The following DNAH10 variants were observed in gnomAD, a reference collection of about 807,000 sequenced individuals.
The protein encoded by DNAH10 is dynein axonemal heavy chain 10.
A neutral mutation model predicts 506.6 loss-of-function variants in DNAH10; 348 were observed. The ratio of observed to expected loss-of-function variants is 0.69; its 90% CI spans 0.63 to 0.75. The LOEUF is 0.75. DNAH10 is among the 30% of genes least tolerant of loss of function. The probability of loss-of-function intolerance (pLI) is 0.00; values close to 1 mark genes in which losing one functional copy is unlikely to be tolerated. For synonymous variants in DNAH10, 2,059 were observed against 2,198.6 expected, an observed-to-expected ratio of 0.94 and a Z score of 1.78; for missense variants, 5,179 against 5,787.1, an observed-to-expected ratio of 0.89 and a Z score of 3.41.
intron 21 of DNAH10, among the ~76,000 whole-genome samples, chr12:123,817,639 C>A (rs1959170954): frequency 6.6e-6 from 1 of 152,082 alleles, no homozygotes. Flanking sequence ...TGTCTTATAA[C>A]TCTGTCGTGA....
intron 14 of DNAH10, among the ~76,000 whole-genome samples, chr12:123,799,692 C>G (rs1218109584): frequency 6.6e-6 from 1 of 152,174 alleles, no homozygotes; most frequent in Non-Finnish European, 1.5e-5. Context: ...ATATATGAAA[C>G]AGAGCTGACA....
chr12:123,845,907 AC>A (rs1950933184), intron 31 of DNAH10, 38 bp downstream of exon 31: 1 of 1,612,288 alleles, frequency 6.2e-7, no homozygotes, highest in South Asian at 1.1e-5. Context: ...TTCAAAAGGG[AC>A]CCTTTGTGGT....
intron 4 of DNAH10, among the ~76,000 whole-genome samples, chr12:123,773,272 T>C (rs1291943069): frequency 1.3e-5 from 2 of 152,166 alleles, no homozygotes; most frequent in Non-Finnish European, 2.9e-5. Flanking sequence ...AAGGGAAGAG[T>C]CCAAGTAACC....
At chr12:123,935,008 G>A (rs1955424802) in intron 78 of DNAH10, 1 of 620,736 alleles carries the variant, frequency 1.6e-6, no homozygotes, top group African/African-American at 1.8e-5. Flanking sequence ...GTGATCCTGT[G>A]GTCTAGACTA....
chr12:123,775,500 A>G (rs906192951), intron 5 of DNAH10, among the ~76,000 whole-genome samples: 1 of 152,178 alleles, frequency 6.6e-6, no homozygotes, highest in Non-Finnish European at 1.5e-5. Flanking sequence ...GGAAGGAAGG[A>G]AGAGGTGATA....
intron 65 of DNAH10, among the ~76,000 whole-genome samples, chr12:123,922,267 G>C (rs1399411413): frequency 1.5e-5 from 2 of 136,242 alleles, no homozygotes; most frequent in African/African-American, 3.6e-5. Flanking sequence ...CAGCTACTGG[G>C]GGGGAGGCTG....
chr12:123,800,249 G>C lies in DNAH10; in HGVS notation c.2323G>C (p.Glu775Gln). 6.2e-7 allele frequency: 1 copy of C among 1,614,012 alleles called. No homozygotes were observed. Among genetic ancestry groups the C allele is most frequent in the Non-Finnish European group, 8.5e-7 (1 of 1,179,968 alleles). ...SIATEEPSTL[E>Q]RGAVFAINFS... ...CGCCACAGAGGAGCCTTCGACTTTA[G>C]AAAGGGGAGCTGTTTTTGCAATCAA... The change falls in exon 15 of 79, where the codon GAA becomes CAA. Residue 775 changes from glutamate to glutamine, a missense_variant. This residue lies in a region of DNAH10 where 4,844 missense variants were observed against 5,430.5 expected (regional missense o/e 0.89). Coordinates refer to ENST00000673944, the MANE Select transcript of DNAH10 (RefSeq NM_001372106.1).
chr12:123,818,012 A>G (rs1243671900), intron 21 of DNAH10, among the ~76,000 whole-genome samples: 2 of 149,342 alleles, frequency 1.3e-5, no homozygotes, highest in Non-Finnish European at 3.0e-5. Context: ...GCAATGGCAC[A>G]ATCTTGGCTC....
chr12:123,868,106 TG>T lies in DNAH10; in HGVS notation c.7510del (p.Glu2504AsnfsTer27). ...VDTEGVWANP[G>X]ELPGQLPTLY... ...ACACAGAAGGAGTTTGGGCCAACCC[TG>T]GGGAACTGCCAGGTGGGAACCGAGT... On this transcript the variant is annotated frameshift_variant, in exon 43 of 79. Coordinates refer to ENST00000673944, the MANE Select transcript of DNAH10 (RefSeq NM_001372106.1). LOFTEE classifies it high-confidence loss of function. The T allele has an allele frequency of 1.2e-6, 2 of 1,612,954 alleles. No individual in the cohort carries two copies. The highest frequency in any genetic ancestry group is 1.7e-6 in the Non-Finnish European group (2 of 1,179,776).
chr12:123,866,882 C>T (rs1951833690), intron 41 of DNAH10, among the ~76,000 whole-genome samples: 1 of 152,216 alleles, frequency 6.6e-6, no homozygotes, highest in Admixed American at 6.5e-5. Flanking sequence ...GGCTCAACCA[C>T]ACCTAGGACG....
Position 123,930,382 on chromosome 12 carries a change from C to T in DNAH10, c.12613-20C>T, listed in dbSNP as rs1160254681. On this transcript the variant is annotated intron_variant, in intron 72 of 78. Transcript: ENST00000673944. ...GTAGGTTCTGAGCTCCTGGCTGGCT[C>T]TCAGGCCCTCTAATTTCAGGTCATG... 2.0e-6 allele frequency: 3 copies of T among 1,523,240 alleles called. No homozygotes were observed. In the Admixed American group the frequency reaches 6.9e-5, roughly 35 times the overall value. 94.4% of individuals were successfully genotyped at this position (1,523,240 alleles called of 1,614,324 possible).
At chr12:123,884,697 T>TTGTG (rs897505568) in intron 51 of DNAH10, among the ~76,000 whole-genome samples, 1 of 151,932 alleles carries the variant, frequency 6.6e-6, no homozygotes, top group Non-Finnish European at 1.5e-5. Context: ...CAAAGGAATT[T>TTGTG]TGTGTGTGTG....
chr12:123,925,097 C>T lies in DNAH10; in HGVS notation c.11814C>T (p.Tyr3938=), dbSNP rs369302336. Residue 3938 remains tyrosine (Y), a synonymous_variant, in exon 68 of 79, where the codon TAC becomes TAT. Coordinates refer to ENST00000673944, the MANE Select transcript of DNAH10 (RefSeq NM_001372106.1). The surrounding 1 kb of genome is among the most constrained non-coding windows in gnomAD (Gnocchi z 4.0). ...AGCAGTTTCCCGTCCCCTTGGGTTA[C>T]GATAACAACATCACCCCTTTCCAGA... The part of the protein sequence containing the change: ...SLEQFPVPLG[Y]DNNITPFQKL... 28 of 1,613,890 alleles carry T rather than the reference C, an allele frequency of 1.7e-5. No homozygotes were observed. Among genetic ancestry groups the T allele is most frequent in the South Asian group, 2.2e-5 (2 of 91,082 alleles).
chr12:123,839,396 C>G lies in DNAH10; in HGVS notation c.5136+707C>G, dbSNP rs78888679. Among the ~76,000 whole-genome samples, 1,470 of 152,182 alleles carry G rather than the reference C, an allele frequency of 9.7e-3. 52 individuals carry two copies. Among genetic ancestry groups the G allele is most frequent in the Admixed American group, 0.066 (1,009 of 15,272 alleles). ...CAAGTTCCTTGATCTCTCTGGACAT[C>G]AGTTTCCTCATCTGTGAATGGACAT... On this transcript the variant is annotated intron_variant, in intron 29 of 78. Transcript: ENST00000673944.
At position 123,926,471 on chromosome 12, in the gene DNAH10, G is replaced by A. The variant is rs571334977; in HGVS notation, c.11922-166G>A. ...GGAGTTCCCCATCAGGGTGGGAGAC[G>A]TGCATAGAAACTAGAATCTAAAACA... On this transcript the variant is annotated intron_variant, in intron 68 of 78. Coordinates refer to ENST00000673944, the MANE Select transcript of DNAH10 (RefSeq NM_001372106.1). The surrounding 1 kb of genome is among the most constrained non-coding windows in gnomAD (Gnocchi z 4.1). The A allele has an allele frequency of 2.8e-4, 189 of 679,272 alleles. 2 individuals carry two copies. In the South Asian group the frequency reaches 4.0e-3, roughly 15 times the overall value. 42.1% of individuals were successfully genotyped at this position (679,272 alleles called of 1,614,324 possible). A position where few individuals can be genotyped will look rare whatever the true frequency, so the allele number is the denominator to read the frequency against.
intron 55 of DNAH10, among the ~76,000 whole-genome samples, chr12:123,898,390 T>G (rs1393945223): frequency 6.6e-6 from 1 of 152,150 alleles, no homozygotes; most frequent in Non-Finnish European, 1.5e-5. Flanking sequence ...TAGAGACAAC[T>G]ATCTGCTGCA....
In DNAH10 at chr12:123,813,658, G is replaced by A; in HGVS notation, c.3621+18G>A. 1 of 1,613,256 alleles carries A rather than the reference G, an allele frequency of 6.2e-7. No homozygotes were observed. The highest frequency in any genetic ancestry group is 1.1e-5 in the South Asian group (1 of 90,966). ...AGATGGAGGTACTCAATCGCTGTGT[G>A]TAATTGAAACTACTTTTCGTGTAAG... On this transcript the variant is annotated intron_variant, in intron 20 of 78. Coordinates refer to ENST00000673944, the MANE Select transcript of DNAH10 (RefSeq NM_001372106.1).
chr12:123,833,108 G>A lies in DNAH10; in HGVS notation c.4546-6G>A, dbSNP rs1045232506. 7.5e-6 allele frequency: 12 copies of A among 1,598,074 alleles called. No homozygotes were observed. The highest frequency in any genetic ancestry group is 8.5e-6 in the Non-Finnish European group (10 of 1,170,372). On this transcript the variant is annotated splice_region_variant and splice_polypyrimidine_tract_variant and intron_variant, in intron 26 of 78. Coordinates refer to ENST00000673944, the MANE Select transcript of DNAH10 (RefSeq NM_001372106.1). ...CCTGAATCATTCTTTTTCTATTCCTGAACAGGCTGTGAAGGAAATCCTAGA... is the reference window on the plus strand; with the variant it reads ...CCTGAATCATTCTTTTTCTATTCCTAAACAGGCTGTGAAGGAAATCCTAGA...
chr12:123,783,912 A>C, intron 7 of DNAH10, 35 bp from the exon 8 acceptor site: 1 of 1,579,208 alleles, frequency 6.3e-7, no homozygotes, highest in Non-Finnish European at 8.7e-7. Flanking sequence ...CACCCTAATA[A>C]TGAGAGTTCT....
Sources: gnomAD v4.1 joint callset for allele counts (sites outside exome capture counted in the v4.1 genomes callset) on GRCh38, gnomAD v4.1.1 for gene constraint, gnomAD v4.1.1 regional missense constraint, Gnocchi (gnomAD v3.1) non-coding constraint, MANE v1.5 for transcripts, NCBI Gene and HGNC (gene_info 2026-07-23, HGNC 2026-07-21) for gene names.